Variants in DTNBP1 observed in about 807,000 individuals in gnomAD.
DTNBP1 encodes dystrobrevin binding protein 1, also known as dysbindin.
A neutral mutation model predicts 42.8 loss-of-function variants in DTNBP1; 35 were observed. The observed-to-expected ratio is 0.82, with a 90% confidence interval of 0.63 to 1.09. The LOEUF (loss-of-function observed/expected upper bound fraction) is 1.09. Ranked by LOEUF, DTNBP1 falls within the 50% of genes least tolerant of loss-of-function variation. The pLI, the probability that DTNBP1 is intolerant of heterozygous loss-of-function variation, is 0.00. For synonymous variants in DTNBP1, 171 were observed against 162.2 expected (o/e 1.05, Z -0.41); for missense variants, 457 against 424.2 (o/e 1.08, Z -0.68).
At chr6:15,561,093 T>C (rs999509901) in intron 7 of DTNBP1, among the ~76,000 whole-genome samples, 2 of 152,198 alleles carry the variant, frequency 1.3e-5, no homozygotes, top group African/African-American at 4.8e-5. Flanking sequence ...AACCTAGCCT[T>C]GTCTGTTGTT....
chr6:15,588,034 A>G (rs1282138113), intron 7 of DTNBP1, among the ~76,000 whole-genome samples: 1 of 152,252 alleles, frequency 6.6e-6, no homozygotes, highest in Non-Finnish European at 1.5e-5. Context: ...AAAGACTTGC[A>G]TAAGAAAGTT....
intron 4 of DTNBP1, among the ~76,000 whole-genome samples, chr6:15,632,721 C>T (rs554241099): frequency 6.6e-6 from 1 of 152,320 alleles, no homozygotes; most frequent in South Asian, 2.1e-4. Context: ...GTATTTTCTG[C>T]ATCTGACGAT....
chr6:15,566,184 G>A (rs1370043702), intron 7 of DTNBP1, among the ~76,000 whole-genome samples: 5 of 151,208 alleles, frequency 3.3e-5, no homozygotes, highest in African/African-American at 9.7e-5. Flanking sequence ...GCGTAGTGGC[G>A]GGCGCCTGTA....
chr6:15,622,047 T>C (rs1347362152), intron 5 of DTNBP1, among the ~76,000 whole-genome samples: 1 of 152,216 alleles, frequency 6.6e-6, no homozygotes, highest in Non-Finnish European at 1.5e-5. Context: ...TTTTTTGCTA[T>C]CCCCTAATAA....
chr6:15,534,140 T>G (rs1226647169), intron 7 of DTNBP1, among the ~76,000 whole-genome samples: 1 of 152,176 alleles, frequency 6.6e-6, no homozygotes, highest in African/African-American at 2.4e-5. Context: ...GTCAGATGGA[T>G]GGAGACACGA....
Position 15,617,908 on chromosome 6 carries a change from G to GA in DTNBP1, c.356-2510dup, listed in dbSNP as rs545159023. ...TCAAACTAAAAAGCTTCTGCCTGGA[G>GA]AAAAAAAAACATCAAGACTGAAAAG... is the stretch of plus-strand genomic sequence containing the variant. On this transcript the variant is annotated intron_variant, in intron 5 of 9. Transcript: ENST00000344537. Among the ~76,000 whole-genome samples the GA allele has an allele frequency of 4.4e-4, 67 of 150,622 alleles. No individual in the cohort carries two copies. The South Asian group carries it at 6.5e-3, about 15-fold the overall frequency.
intron 3 of DTNBP1, among the ~76,000 whole-genome samples, chr6:15,642,425 C>T (rs993981543): frequency 2.6e-5 from 4 of 152,178 alleles, no homozygotes; most frequent in Non-Finnish European, 5.9e-5. Context: ...GATCTCTTCC[C>T]GCCACCATCC....
chr6:15,613,038 T>G (rs1196810434), intron 6 of DTNBP1, among the ~76,000 whole-genome samples: 2 of 152,102 alleles, frequency 1.3e-5, no homozygotes, highest in African/African-American at 4.8e-5. Context: ...CCAGGCGTGA[T>G]GGCTCACGCC....
At chr6:15,539,932 C>T (rs1166701633) in intron 7 of DTNBP1, among the ~76,000 whole-genome samples, 3 of 152,256 alleles carry the variant, frequency 2.0e-5, no homozygotes, top group African/African-American at 7.2e-5. Context: ...ACACCTATTT[C>T]GTAAGGTTGT....
At chr6:15,573,296 G>GA (rs1274798851) in intron 7 of DTNBP1, among the ~76,000 whole-genome samples, 1 of 151,824 alleles carries the variant, frequency 6.6e-6, no homozygotes, top group South Asian at 2.1e-4. Context: ...GATATATACT[G>GA]AAAAAAACTC....
chr6:15,662,044 T>C (rs1418724855), intron 1 of DTNBP1, among the ~76,000 whole-genome samples: 1 of 152,140 alleles, frequency 6.6e-6, no homozygotes, highest in African/African-American at 2.4e-5. Flanking sequence ...TGGAATCCCC[T>C]GGGGATCTTT....
chr6:15,544,204 C>G (rs771390841), intron 7 of DTNBP1, among the ~76,000 whole-genome samples: 1 of 152,116 alleles, frequency 6.6e-6, no homozygotes, highest in Non-Finnish European at 1.5e-5. Flanking sequence ...TTTTTTCACT[C>G]AGCATAATTG....
chr6:15,600,821 G>A (rs1403812168), intron 6 of DTNBP1, among the ~76,000 whole-genome samples: 1 of 152,212 alleles, frequency 6.6e-6, no homozygotes, highest in African/African-American at 2.4e-5. Context: ...AGGTTTTGCT[G>A]TGGAAGACAA....
chr6:15,531,924 G>A (rs1251320327), intron 8 of DTNBP1, among the ~76,000 whole-genome samples: 3 of 152,210 alleles, frequency 2.0e-5, no homozygotes, highest in Admixed American at 6.5e-5. Context: ...ATGCCACTGC[G>A]CCTGGCCTCA....
intron 6 of DTNBP1, among the ~76,000 whole-genome samples, chr6:15,609,796 G>A (rs1193922506): frequency 6.6e-6 from 1 of 152,188 alleles, no homozygotes; most frequent in African/African-American, 2.4e-5. Context: ...AAGTTGACTC[G>A]AAGTTATGCA....
At chr6:15,652,246 T>C (rs1392564515) in intron 1 of DTNBP1, 106 bp from the exon 2 acceptor site, 1 of 838,232 alleles carries the variant, frequency 1.2e-6, no homozygotes, top group South Asian at 1.8e-5. Context: ...CAGTGACATG[T>C]ACATTACTCA....
intron 7 of DTNBP1, among the ~76,000 whole-genome samples, chr6:15,589,407 C>G (rs1366811992): frequency 1.3e-5 from 2 of 152,192 alleles, no homozygotes; most frequent in Non-Finnish European, 2.9e-5. Context: ...TCACCTGTAC[C>G]ATTCAGCCTG....
At chr6:15,632,028 G>C (rs1759724289) in intron 4 of DTNBP1, among the ~76,000 whole-genome samples, 1 of 152,006 alleles carries the variant, frequency 6.6e-6, no homozygotes. Context: ...GCATTTCCTT[G>C]ATACCAAGCA....
chr6:15,596,171 A>G (rs1581374509), intron 6 of DTNBP1, among the ~76,000 whole-genome samples: 1 of 152,288 alleles, frequency 6.6e-6, no homozygotes, highest in East Asian at 1.9e-4. Context: ...CATCTGACTC[A>G]ATGGGGTAAG....
Sources: gnomAD v4.1 joint callset for allele counts (sites outside exome capture counted in the v4.1 genomes callset) on GRCh38, gnomAD v4.1.1 for gene constraint, MANE v1.5 for transcripts, NCBI Gene and HGNC (gene_info 2026-07-23, HGNC 2026-07-21) for gene names.